Variants in CADM2 observed in about 807,000 individuals in gnomAD.
The protein encoded by CADM2 is immunoglobulin superfamily member 4D.
Under a neutral mutation model 49.8 loss-of-function variants are expected in CADM2, and 12 were observed. That is an observed-to-expected ratio of 0.24 (90% CI 0.15 to 0.39). The LOEUF is 0.39. Ranked by LOEUF, CADM2 falls within the 10% of genes least tolerant of loss-of-function variation. CADM2 has a pLI of 1.00. For synonymous variants in CADM2, 214 were observed against 175.4 expected (o/e 1.22, Z -1.74); for missense variants, 378 against 492.3 (o/e 0.77, Z 2.20).
chr3:85,586,518 A>G (rs2062950837), intron 1 of CADM2, among the ~76,000 whole-genome samples: 1 of 152,174 alleles, frequency 6.6e-6, no homozygotes, highest in Non-Finnish European at 1.5e-5. Context: ...AGATTTCATT[A>G]GAAAAGATGA....
intron 1 of CADM2, among the ~76,000 whole-genome samples, chr3:85,402,897 A>G (rs1236823879): frequency 1.3e-5 from 2 of 152,146 alleles, no homozygotes; most frequent in Non-Finnish European, 2.9e-5. Context: ...TTTCAAATTG[A>G]TATCTTGTGT....
intron 1 of CADM2, among the ~76,000 whole-genome samples, chr3:85,395,936 A>G (rs1009780383): frequency 2.0e-5 from 3 of 148,636 alleles, no homozygotes; most frequent in African/African-American, 7.3e-5. Context: ...ATAATTATAA[A>G]ATATTATAAT....
intron 1 of CADM2, among the ~76,000 whole-genome samples, chr3:85,576,786 T>C (rs1037256886): frequency 1.3e-5 from 2 of 152,316 alleles, no homozygotes; most frequent in Non-Finnish European, 2.9e-5. Flanking sequence ...GAAGGAGTCA[T>C]CTACTCTTAA....
intron 1 of CADM2, among the ~76,000 whole-genome samples, chr3:85,241,010 G>C (rs1576192449): frequency 1.3e-5 from 2 of 151,480 alleles, no homozygotes; most frequent in South Asian, 4.2e-4. Flanking sequence ...ATATTTGGGG[G>C]TTTCAAAATA....
chr3:85,470,308 A>G (rs1029351786), intron 1 of CADM2, among the ~76,000 whole-genome samples: 1 of 152,190 alleles, frequency 6.6e-6, no homozygotes, highest in Non-Finnish European at 1.5e-5. Context: ...AGCAAGGGCC[A>G]TGTGGTCTGA....
rs1161053449 is a variant in CADM2, at chr3:85,512,801, T to C, written c.62-213721T>C. Among the ~76,000 whole-genome samples, 2 of 151,990 alleles carry C rather than the reference T, an allele frequency of 1.3e-5. 1 individual carries two copies. Among genetic ancestry groups the C allele is most frequent in the East Asian group, 3.8e-4 (2 of 5,196 alleles). ...AAAAATTGAGGACTATTAATAAATA[T>C]TATTTATCATTCTGAAGATTAGTTA... On this transcript the variant is annotated intron_variant, in intron 1 of 9. Transcript: ENST00000383699.
chr3:85,292,880 C>A (rs2043841673), intron 1 of CADM2, among the ~76,000 whole-genome samples: 2 of 151,958 alleles, frequency 1.3e-5, no homozygotes, highest in African/African-American at 4.8e-5. Flanking sequence ...ATTAAAAGAA[C>A]TAGAAAAGCA....
chr3:85,901,807 C>G (rs1022597822), intron 5 of CADM2, among the ~76,000 whole-genome samples: 3 of 152,156 alleles, frequency 2.0e-5, no homozygotes, highest in African/African-American at 7.2e-5. Flanking sequence ...CCCCAACTGT[C>G]TCCACCCTAA....
chr3:85,569,601 A>G (rs1366958146), intron 1 of CADM2, among the ~76,000 whole-genome samples: 1 of 150,332 alleles, frequency 6.7e-6, no homozygotes, highest in Non-Finnish European at 1.5e-5. Context: ...TTTGTTGAAT[A>G]TTTTATTTTA....
intron 1 of CADM2, among the ~76,000 whole-genome samples, chr3:85,074,021 A>T (rs1021159477): frequency 6.6e-6 from 1 of 151,650 alleles, no homozygotes; most frequent in Non-Finnish European, 1.5e-5. Context: ...ACGTACAATT[A>T]AAAAAAATTC....
chr3:85,672,591 CTT>C (rs1203483230), intron 1 of CADM2, among the ~76,000 whole-genome samples: 1 of 152,040 alleles, frequency 6.6e-6, no homozygotes, highest in East Asian at 1.9e-4. Flanking sequence ...GATCAATACT[CTT>C]TTGGAAGAGA....
chr3:86,022,556 T>C (rs1577979547), intron 8 of CADM2, among the ~76,000 whole-genome samples: 1 of 152,310 alleles, frequency 6.6e-6, no homozygotes, highest in East Asian at 1.9e-4. Context: ...TATTTTGTCT[T>C]TTTATCATTA....
At chr3:85,648,839 CATCTGTCAAAATAGTCGTTTTGGTTTTT>C (rs1265777372) in intron 1 of CADM2, among the ~76,000 whole-genome samples, 1 of 151,966 alleles carries the variant, frequency 6.6e-6, no homozygotes, top group Non-Finnish European at 1.5e-5. Flanking sequence ...GGAAATGAAT[CATCTGTCAAAATAGTCGTTTTGGTTTTT>C]ATATTTTTAC....
chr3:85,038,753 T>G (rs2087011), intron 1 of CADM2, among the ~76,000 whole-genome samples: 95,052 of 151,980 alleles, frequency 0.63, 30,212 homozygotes, highest in Middle Eastern at 0.66. Flanking sequence ...AGCAAATCAC[T>G]CAATTATAAT....
chr3:85,327,564 A>ACACACACG (rs1231561963), intron 1 of CADM2, among the ~76,000 whole-genome samples: 1 of 144,188 alleles, frequency 6.9e-6, no homozygotes, highest in Admixed American at 6.8e-5. Context: ...CCACACACAC[A>ACACACACG]CACACACACA....
intron 1 of CADM2, among the ~76,000 whole-genome samples, chr3:85,595,936 C>A (rs1052414469): frequency 6.6e-6 from 1 of 151,720 alleles, no homozygotes; most frequent in African/African-American, 2.4e-5. Context: ...TTATGTTGTG[C>A]ATTTTCTGTT....
chr3:85,501,539 A>C (rs1036929301), intron 1 of CADM2, among the ~76,000 whole-genome samples: 3 of 152,124 alleles, frequency 2.0e-5, no homozygotes, highest in Admixed American at 6.5e-5. Flanking sequence ...ACGTTGTATG[A>C]ATTTTTAAAA....
In CADM2 at chr3:85,513,523, G is replaced by C. The variant is rs575742953; in HGVS notation, c.62-212999G>C. Among the ~76,000 whole-genome samples the C allele has an allele frequency of 4.0e-5, 6 of 151,650 alleles. No individual in the cohort carries two copies. In the East Asian group the frequency reaches 1.2e-3, roughly 29 times the overall value. ...ATGAAAATGAAAAATATATGAATACGTGCTTTTACCCAAACAAGTAAAAAT... is the reference window on the plus strand; with the variant it reads ...ATGAAAATGAAAAATATATGAATACCTGCTTTTACCCAAACAAGTAAAAAT... On this transcript the variant is annotated intron_variant, in intron 1 of 9. Coordinates refer to ENST00000383699, the MANE Select transcript of CADM2 (RefSeq NM_001167675.2).
chr3:86,033,298 C>A (rs1433618238), intron 8 of CADM2, among the ~76,000 whole-genome samples: 1 of 151,962 alleles, frequency 6.6e-6, no homozygotes, highest in Admixed American at 6.6e-5. Flanking sequence ...TGTACACATG[C>A]ATCACATTAC....
Sources: allele counts gnomAD v4.1 joint callset (sites outside exome capture counted in the v4.1 genomes callset), GRCh38; gene constraint gnomAD v4.1.1; transcripts MANE v1.5; gene names NCBI Gene and HGNC (gene_info 2026-07-23, HGNC 2026-07-21).